Variants in SGO1 observed in about 807,000 individuals in gnomAD.
SGO1 encodes the protein shugoshin 1, also known as serologically defined breast cancer antigen NY-BR-85.
SGO1 carries 39 observed loss-of-function variants against 50.5 expected under a neutral mutation model. The observed-to-expected ratio is 0.77, with a 90% confidence interval of 0.60 to 1.01. The LOEUF (loss-of-function observed/expected upper bound fraction) is 1.01, where lower values mean the gene tolerates loss of function less well. Ranked by LOEUF, SGO1 falls within the 50% of genes least tolerant of loss-of-function variation. The probability of loss-of-function intolerance (pLI) is 0.00; values close to 1 mark genes in which losing one functional copy is unlikely to be tolerated. For missense variants in SGO1, 638 were observed against 606.0 expected, an observed-to-expected ratio of 1.05 and a Z score of -0.55; for synonymous variants, 191 against 205.1, an observed-to-expected ratio of 0.93 and a Z score of 0.59.
At chr3:20,161,260 G>C in intron 8 of SGO1, 1 of 1,500,938 alleles carries the variant, frequency 6.7e-7, no homozygotes, top group Non-Finnish European at 8.9e-7. Context: ...AGTCTACAGA[G>C]ATGTTTCTAC....
rs1404249206 is a variant in SGO1, at chr3:20,174,141, G to C, written c.1282+108C>G. ...TCCACCAAAGAGAGACAGATGGTAA[G>C]TCTCCAACCTCCACCAGAGAAACAG... is the stretch of plus-strand genomic sequence containing the variant. On this transcript the variant is annotated intron_variant, in intron 6 of 7. Coordinates refer to ENST00000412997, the MANE Select transcript of SGO1 (RefSeq NM_001199251.3). 1.7e-5 allele frequency: 15 copies of C among 885,418 alleles called. 1 individual carries two copies. The highest frequency in any genetic ancestry group is 2.7e-5 in the Non-Finnish European group (15 of 562,666). 54.8% of individuals were successfully genotyped at this position (885,418 alleles called of 1,614,324 possible). A position where few individuals can be genotyped will look rare whatever the true frequency, so the allele number is the denominator to read the frequency against.
At position 20,170,101 on chromosome 3, in the gene SGO1, G is replaced by C; in HGVS notation, c.*603C>G. The stretch of plus-strand genomic sequence containing the variant: ...AGTAATCATTATTCATTTCTACAAT[G>C]TTTGTATAAGATACATTTTGGGCTG... On this transcript the variant is annotated 3_prime_UTR_variant, in exon 8 of 8. Coordinates refer to ENST00000412997, the MANE Select transcript of SGO1 (RefSeq NM_001199251.3). 1 of 985,164 alleles carries C rather than the reference G, an allele frequency of 1.0e-6. No individual in the cohort carries two copies. The allele number at this position is 985,164 out of a possible 1,614,324, so 61.0% of individuals were successfully genotyped here. A position where few individuals can be genotyped will look rare whatever the true frequency, so the allele number is the denominator to read the frequency against.
chr3:20,167,140 T>C (rs980020503), downstream of SGO1, among the ~76,000 whole-genome samples: 3 of 152,150 alleles, frequency 2.0e-5, no homozygotes, highest in Non-Finnish European at 4.4e-5. Flanking sequence ...AAGAAGCCCA[T>C]TCTATGACAA....
chr3:20,173,934 A>C (rs1456991202), intron 6 of SGO1, among the ~76,000 whole-genome samples: 1 of 152,244 alleles, frequency 6.6e-6, no homozygotes, highest in Non-Finnish European at 1.5e-5. Context: ...ACTTCAGTTA[A>C]GTGTATAAAA....
chr3:20,165,502 T>C (rs543820252), downstream of SGO1, among the ~76,000 whole-genome samples: 33 of 151,936 alleles, frequency 2.2e-4, no homozygotes, highest in African/African-American at 7.5e-4. Context: ...GGGAGAAAAA[T>C]TAAACAGATT....
intron 6 of SGO1, among the ~76,000 whole-genome samples, chr3:20,172,896 G>A (rs1700926040): frequency 6.6e-6 from 1 of 151,956 alleles, no homozygotes; most frequent in Admixed American, 6.6e-5. Flanking sequence ...AGCCTGGGAG[G>A]TTGAGACTGC....
rs367619352 is a variant in SGO1, at chr3:20,186,025, G to C, written c.-85C>G. 6.6e-6 allele frequency: 1 copy of C among 152,388 alleles called. No homozygotes were observed. The highest frequency in any genetic ancestry group is 1.9e-4 in the East Asian group (1 of 5,188). 9.4% of individuals were successfully genotyped at this position (152,388 alleles called of 1,614,324 possible). On this transcript the variant is annotated 5_prime_UTR_variant, in exon 1 of 8. Transcript: ENST00000412997. ...TGGGGCTGGCGGAAGTGGACGCGGCGACCCTCCTGCCGCAGGCGCGTCCAG... is the reference window on the plus strand; with the variant it reads ...TGGGGCTGGCGGAAGTGGACGCGGCCACCCTCCTGCCGCAGGCGCGTCCAG...
In SGO1 at chr3:20,170,787, C is replaced by G. The variant is rs772969129; in HGVS notation, c.1501G>C (p.Asp501His). ...ATAGGAGAATTCAAAAAACACAAAT[C>G]TGTAAAAGGGTCCCCTCTTCTCAGT... ...SKLRRGDPFT[D>H]LCFLNSPIFK... Residue 501 changes from aspartate to histidine, a missense_variant, in exon 8 of 8, where the codon GAT becomes CAT. Coordinates refer to ENST00000412997, the MANE Select transcript of SGO1 (RefSeq NM_001199251.3). 2 of 1,595,786 alleles carry G rather than the reference C, an allele frequency of 1.3e-6. No homozygotes were observed. The highest frequency in any genetic ancestry group is 1.9e-5 in the Admixed American group (1 of 53,664).
chr3:20,162,666 GA>G (rs1204684092), intron 8 of SGO1, among the ~76,000 whole-genome samples: 43 of 152,062 alleles, frequency 2.8e-4, no homozygotes, highest in African/African-American at 1.0e-3. Flanking sequence ...AGAGATAATG[GA>G]ATCGGCAGAT....
chr3:20,179,963 A>G (rs1414376670), intron 3 of SGO1, among the ~76,000 whole-genome samples: 5 of 152,144 alleles, frequency 3.3e-5, no homozygotes. Flanking sequence ...TGACCTTGAC[A>G]TGCAGTGACA....
chr3:20,162,391 C>A (rs994895299), intron 8 of SGO1, among the ~76,000 whole-genome samples: 1 of 152,106 alleles, frequency 6.6e-6, no homozygotes. Context: ...TGGGGGTAAA[C>A]GAGCATAGAG....
intron 8 of SGO1, among the ~76,000 whole-genome samples, chr3:20,163,479 T>C (rs1700143250): frequency 6.6e-6 from 1 of 152,184 alleles, no homozygotes; most frequent in Admixed American, 6.5e-5. Context: ...AAGAATGATA[T>C]TAACATCACA....
intron 3 of SGO1, among the ~76,000 whole-genome samples, chr3:20,180,570 T>C (rs1339074755): frequency 1.3e-5 from 2 of 151,952 alleles, no homozygotes. Flanking sequence ...ATTGGATGCA[T>C]GGGCTGGGGA....
chr3:20,168,367 G>A (rs1700412363), downstream of SGO1, among the ~76,000 whole-genome samples: 1 of 151,306 alleles, frequency 6.6e-6, no homozygotes, highest in Non-Finnish European at 1.5e-5. Context: ...ATATAATGTA[G>A]GTACTTTACT....
Position 20,178,335 on chromosome 3 carries a change from AT to A in SGO1, c.351del (p.Cys118ValfsTer18). 2 of 1,611,466 alleles carry A rather than the reference AT, an allele frequency of 1.2e-6. No individual in the cohort carries two copies. The highest frequency in any genetic ancestry group is 1.7e-6 in the Non-Finnish European group (2 of 1,177,810). On this transcript the variant is annotated frameshift_variant, in exon 4 of 8. Transcript: ENST00000412997. LOFTEE classifies it high-confidence loss of function. ...QTVEPAQNQE[I>X]CSSGMDPNSD... ...CTATTGGGGTCCATTCCAGAGGAAC[AT>A]ATTTCCTGGTTCTGTTAATGTATTA...
chr3:20,174,786 T>C lies in SGO1; in HGVS notation c.745A>G (p.Ser249Gly), dbSNP rs771945535. 3 of 1,614,008 alleles carry C rather than the reference T, an allele frequency of 1.9e-6. No individual in the cohort carries two copies. The highest frequency in any genetic ancestry group is 2.5e-6 in the Non-Finnish European group (3 of 1,180,018). ...ENVQHNACQWSKDQVNLSPKL... is the reference protein window; with the variant it reads ...ENVQHNACQWGKDQVNLSPKL... ...GGTGATAAGTTAACTTGGTCCTTGC[T>C]CCATTGACAAGCATTGTGTTGTACA... The change falls in exon 6 of 8, where the codon AGC becomes GGC. Residue 249 changes from serine to glycine, a missense_variant. Transcript: ENST00000412997.
intron 3 of SGO1, among the ~76,000 whole-genome samples, chr3:20,179,977 G>C (rs1337862662): frequency 6.6e-6 from 1 of 152,104 alleles, no homozygotes; most frequent in East Asian, 1.9e-4. Flanking sequence ...AGTGACAACA[G>C]AATGGTAAGG....
At chr3:20,181,707 G>A (rs994712774) in intron 3 of SGO1, among the ~76,000 whole-genome samples, 3 of 152,140 alleles carry the variant, frequency 2.0e-5, no homozygotes, top group Non-Finnish European at 4.4e-5. Flanking sequence ...AATGCCTTTA[G>A]AGGAACTGTT....
Position 20,174,575 on chromosome 3 carries a change from G to C in SGO1, c.956C>G (p.Thr319Ser). ...TTTGTGCATTTTTTTTTGGGGAACA[G>C]TTTTTTTATTTTCGCTTTTATTCTC... is the stretch of plus-strand genomic sequence containing the variant. Reference protein sequence around the residue: ...YKENKSENKKTVPQKKMHKSV... With the variant: ...YKENKSENKKSVPQKKMHKSV... Residue 319 changes from threonine to serine, a missense_variant, in exon 6 of 8, where the codon ACT becomes AGT. Thr to Ser is a moderately conservative substitution (Grantham distance 58). Coordinates refer to ENST00000412997, the MANE Select transcript of SGO1 (RefSeq NM_001199251.3). 2.5e-6 allele frequency: 4 copies of C among 1,603,678 alleles called. No individual in the cohort carries two copies. Among genetic ancestry groups the C allele is most frequent in the Non-Finnish European group, 3.4e-6 (4 of 1,177,288 alleles).
Sources: allele counts gnomAD v4.1 joint callset (sites outside exome capture counted in the v4.1 genomes callset), GRCh38; gene constraint gnomAD v4.1.1; transcripts MANE v1.5; gene names NCBI Gene and HGNC (gene_info 2026-07-23, HGNC 2026-07-21).